Variants in GABPB2 observed in about 807,000 individuals in gnomAD.
GABPB2 encodes GA binding protein transcription factor subunit beta 2.
Under a neutral mutation model 39.1 loss-of-function variants are expected in GABPB2, and 23 were observed. The ratio of observed to expected loss-of-function variants is 0.59; its 90% CI spans 0.42 to 0.83. The LOEUF (loss-of-function observed/expected upper bound fraction) is 0.83. GABPB2 is among the 40% of genes least tolerant of loss of function. The probability of loss-of-function intolerance (pLI) is 0.00; values close to 1 mark genes in which losing one functional copy is unlikely to be tolerated. For missense variants in GABPB2, 467 were observed against 541.1 expected (o/e 0.86, Z 1.36); for synonymous variants, 184 against 199.3 (o/e 0.92, Z 0.65).
Position 151,122,227 on chromosome 1 carries a change from A to G in GABPB2, c.*3971A>G, listed in dbSNP as rs1681209845. ...CACCTTAGCTAGGTTTTCTCCACAGATCTGTTTTCTCCACAGATCTGAGTA... is the reference window on the plus strand; with the variant it reads ...CACCTTAGCTAGGTTTTCTCCACAGGTCTGTTTTCTCCACAGATCTGAGTA... On this transcript the variant is annotated 3_prime_UTR_variant, in exon 9 of 9. Coordinates refer to ENST00000368918, the MANE Select transcript of GABPB2 (RefSeq NM_144618.3). The G allele has an allele frequency of 7.9e-6, 1 of 126,584 alleles. No homozygotes were observed. The highest frequency in any genetic ancestry group is 7.3e-5 in the Admixed American group (1 of 13,766). The allele number at this position is 126,584 out of a possible 1,614,324, so 7.8% of individuals were successfully genotyped here.
intron 2 of GABPB2, 50 bp from the exon 3 acceptor site, chr1:151,090,356 T>C: frequency 1.9e-6 from 3 of 1,539,866 alleles, no homozygotes; most frequent in Non-Finnish European, 2.7e-6. Context: ...CCAGTAACGA[T>C]CTAGGACTCT....
In GABPB2 at chr1:151,075,521, G is replaced by A. The variant is rs905551991; in HGVS notation, c.-1+4587G>A. On this transcript the variant is annotated intron_variant, in intron 1 of 8. Transcript: ENST00000368918. ...GGAGCTTGCAGTGAGCCGAGATTGT[G>A]CCACTGCACTCTAGCCTGGGCGACA... is the stretch of plus-strand genomic sequence containing the variant. Among the ~76,000 whole-genome samples, 26 of 139,720 alleles carry A rather than the reference G, an allele frequency of 1.9e-4. No individual in the cohort carries two copies. The Middle Eastern group carries it at 0.018, about 95-fold the overall frequency. The allele number at this position is 139,720 out of a possible 152,430, so 91.7% of individuals were successfully genotyped here. A position where few individuals can be genotyped will look rare whatever the true frequency, so the allele number is the denominator to read the frequency against.
At chr1:151,091,416 T>G (rs1327914334) in intron 3 of GABPB2, among the ~76,000 whole-genome samples, 3 of 149,726 alleles carry the variant, frequency 2.0e-5, no homozygotes, top group Non-Finnish European at 4.4e-5. Context: ...ACAATTTTTT[T>G]TTTTTGAGAT....
intron 3 of GABPB2, among the ~76,000 whole-genome samples, chr1:151,090,869 G>A (rs1303231950): frequency 2.0e-5 from 3 of 151,648 alleles, no homozygotes; most frequent in South Asian, 4.2e-4. Context: ...GTGGTGGTGC[G>A]CGACTGTAAT....
At chr1:151,073,577 G>GT (rs1299251822) in intron 1 of GABPB2, among the ~76,000 whole-genome samples, 3 of 152,038 alleles carry the variant, frequency 2.0e-5, no homozygotes, top group Admixed American at 6.6e-5. Context: ...TTTTTTGTTT[G>GT]TTTTTTGTTG....
At chr1:151,092,555 A>G (rs1193698907) in intron 3 of GABPB2, among the ~76,000 whole-genome samples, 1 of 150,858 alleles carries the variant, frequency 6.6e-6, no homozygotes, top group East Asian at 2.0e-4. Context: ...CTCCCAGCCT[A>G]GTTTTCCAAT....
chr1:151,081,460 A>G (rs765499712), intron 1 of GABPB2, among the ~76,000 whole-genome samples: 3 of 152,128 alleles, frequency 2.0e-5, no homozygotes, highest in East Asian at 3.9e-4. Flanking sequence ...CTGCCCTCCA[A>G]CCTGGGCAAC....
intron 1 of GABPB2, among the ~76,000 whole-genome samples, chr1:151,087,903 T>C (rs186981621): frequency 1.3e-5 from 2 of 152,300 alleles, no homozygotes; most frequent in Admixed American, 6.5e-5. Context: ...AATGAAATGG[T>C]GTTTTATCGA....
At position 151,122,137 on chromosome 1, in the gene GABPB2, C is replaced by T. The variant is rs1681206005; in HGVS notation, c.*3881C>T. 6.6e-6 allele frequency: 1 copy of T among 152,124 alleles called. No homozygotes were observed. The highest frequency in any genetic ancestry group is 1.5e-5 in the Non-Finnish European group (1 of 68,018). The allele number at this position is 152,124 out of a possible 1,614,324, so 9.4% of individuals were successfully genotyped here. On this transcript the variant is annotated 3_prime_UTR_variant, in exon 9 of 9. Transcript: ENST00000368918. ...AACTCCCCAAACCAAATTTAACAAA[C>T]AGAATTGGTTATTAGAGATTTATAG... is the stretch of plus-strand genomic sequence containing the variant.
At chr1:151,108,195 A>T (rs962772153) in intron 7 of GABPB2, among the ~76,000 whole-genome samples, 1 of 151,968 alleles carries the variant, frequency 6.6e-6, no homozygotes, top group Non-Finnish European at 1.5e-5. Flanking sequence ...TTTGAGATGG[A>T]GTTCCTCTTT....
intron 2 of GABPB2, 53 bp downstream of exon 2, chr1:151,088,350 C>T (rs1251194590): frequency 6.8e-7 from 1 of 1,468,048 alleles, no homozygotes; most frequent in African/African-American, 1.4e-5. Context: ...CTTTTACCAA[C>T]ATTTTTCTTA....
chr1:151,098,926 A>G (rs1330146229), intron 5 of GABPB2, among the ~76,000 whole-genome samples: 1 of 151,996 alleles, frequency 6.6e-6, no homozygotes, highest in Non-Finnish European at 1.5e-5. Context: ...TCTACTAAAT[A>G]TACAAAAATT....
In GABPB2 at chr1:151,118,164, G is replaced by C. The variant is rs77707485; in HGVS notation, c.1255G>C (p.Gly419Arg). ...GGTAGATGCTGTAGTAGTCACAGAG[G>C]GGGAGTTGGAAGAGAGAGAGACAAA... ...AEVDAVVVTE[G>R]ELEERETKVT... The change falls in exon 9 of 9, where the codon GGG becomes CGG. Residue 419 changes from glycine (G) to arginine (R), a missense_variant. Coordinates refer to ENST00000368918, the MANE Select transcript of GABPB2 (RefSeq NM_144618.3). 68 of 1,614,014 alleles carry C rather than the reference G, an allele frequency of 4.2e-5. 1 individual carries two copies. In the East Asian group the frequency reaches 7.3e-4, roughly 17 times the overall value.
chr1:151,103,458 G>C, intron 5 of GABPB2, 104 bp from the exon 6 acceptor site: 3 of 694,402 alleles, frequency 4.3e-6, no homozygotes, highest in South Asian at 3.7e-5. Flanking sequence ...ACAAGATTGA[G>C]GACATTAGAA....
intron 7 of GABPB2, among the ~76,000 whole-genome samples, chr1:151,109,514 A>C (rs1307550177): frequency 6.6e-6 from 1 of 150,982 alleles, no homozygotes; most frequent in Non-Finnish European, 1.5e-5. Flanking sequence ...GTGTGCCACC[A>C]CGCCCGGCTA....
rs979279036 is a variant in GABPB2 at position 151,120,508 on chromosome 1, T to TA, written c.*2262dup. 30 of 148,298 alleles carry TA rather than the reference T, an allele frequency of 2.0e-4. No individual in the cohort carries two copies. The highest frequency in any genetic ancestry group is 5.9e-4 in the East Asian group (3 of 5,114). The allele number at this position is 148,298 out of a possible 1,614,324, so 9.2% of individuals were successfully genotyped here. A position where few individuals can be genotyped will look rare whatever the true frequency, so the allele number is the denominator to read the frequency against. ...CTGGGCAACAAGAGTGAAACTCAAT[T>TA]AAAAAAAAAATAGAAAAGAAAGAAA... On this transcript the variant is annotated 3_prime_UTR_variant, in exon 9 of 9. Coordinates refer to ENST00000368918, the MANE Select transcript of GABPB2 (RefSeq NM_144618.3).
chr1:151,082,925 A>G (rs979129750), intron 1 of GABPB2, among the ~76,000 whole-genome samples: 1 of 151,612 alleles, frequency 6.6e-6, no homozygotes, highest in African/African-American at 2.4e-5. Flanking sequence ...GCAGTGAGCT[A>G]TGATCATACC....
At chr1:151,080,537 AAATAAAT>A (rs1021513521) in intron 1 of GABPB2, among the ~76,000 whole-genome samples, 2 of 149,810 alleles carry the variant, frequency 1.3e-5, no homozygotes, top group African/African-American at 4.9e-5. Flanking sequence ...ATAAATAAAT[AAATAAAT>A]AAATAAAATA....
intron 1 of GABPB2, among the ~76,000 whole-genome samples, chr1:151,083,224 T>C (rs990941272): frequency 3.9e-5 from 6 of 152,332 alleles, no homozygotes; most frequent in South Asian, 2.1e-4. Context: ...TTACCACTTA[T>C]TTCATCAGGA....
Sources: gnomAD v4.1 joint callset for allele counts (sites outside exome capture counted in the v4.1 genomes callset) on GRCh38, gnomAD v4.1.1 for gene constraint, MANE v1.5 for transcripts, NCBI Gene and HGNC (gene_info 2026-07-23, HGNC 2026-07-21) for gene names.